Variants in ARHGEF4 observed in about 807,000 individuals in gnomAD.
ARHGEF4 encodes APC-stimulated guanine nucleotide exchange factor 1.
A neutral mutation model predicts 162.0 loss-of-function variants in ARHGEF4; 119 were observed. The observed-to-expected ratio is 0.73, with a 90% CI of 0.63 to 0.86. ARHGEF4 has a LOEUF of 0.86. Among genes scored for constraint, ARHGEF4 ranks in the 40% least tolerant of loss-of-function variants. ARHGEF4 has a pLI of 0.00. For missense variants in ARHGEF4, 2,488 were observed against 2,456.0 expected, an observed-to-expected ratio of 1.01 and a Z score of -0.28; for synonymous variants, 1,014 against 979.9, an observed-to-expected ratio of 1.03 and a Z score of -0.65.
intron 4 of ARHGEF4, among the ~76,000 whole-genome samples, chr2:130,982,638 T>C (rs1686206349): frequency 7.1e-6 from 1 of 140,994 alleles, no homozygotes; most frequent in African/African-American, 2.5e-5. Context: ...TCTTACCATT[T>C]TACTGTAGGC....
chr2:130,915,362 A>AC lies in ARHGEF4; in HGVS notation c.1420dup (p.Gln474ProfsTer11). ...AAAGCCCAGAAAGCAGAACCCAGGA[A>AC]CCCCAAGGCACCCAACTCGCACCAA... On this transcript the variant is annotated frameshift_variant, in exon 2 of 14. Transcript: ENST00000409359. LOFTEE classifies it high-confidence loss of function. The AC allele has an allele frequency of 6.4e-7, 1 of 1,550,616 alleles. No individual in the cohort carries two copies. The highest frequency in any genetic ancestry group is 8.7e-7 in the Non-Finnish European group (1 of 1,147,018).
At chr2:130,883,042 C>T (rs1283865621) in intron 1 of ARHGEF4, among the ~76,000 whole-genome samples, 2 of 152,084 alleles carry the variant, frequency 1.3e-5, no homozygotes, top group African/African-American at 2.4e-5. Context: ...GGTGATGCAT[C>T]TCCTGTCCCC....
intron 4 of ARHGEF4, among the ~76,000 whole-genome samples, chr2:130,996,533 A>G (rs1406944010): frequency 2.0e-5 from 3 of 152,262 alleles, no homozygotes; most frequent in South Asian, 2.1e-4. Context: ...CCCACATTTT[A>G]TCAATTATTC....
At chr2:130,905,143 G>A (rs554594736) in intron 1 of ARHGEF4, among the ~76,000 whole-genome samples, 1 of 152,076 alleles carries the variant, frequency 6.6e-6, no homozygotes, top group Non-Finnish European at 1.5e-5. Context: ...TAATATTGCT[G>A]TAAATGCTCT....
At chr2:130,905,191 ATTTTC>A (rs1169777721) in intron 1 of ARHGEF4, among the ~76,000 whole-genome samples, 3 of 151,948 alleles carry the variant, frequency 2.0e-5, no homozygotes, top group African/African-American at 2.4e-5. Flanking sequence ...CACATTCTCT[ATTTTC>A]TTTTCTAAGT....
intron 4 of ARHGEF4, among the ~76,000 whole-genome samples, chr2:130,997,888 T>C (rs961659157): frequency 6.7e-6 from 1 of 150,272 alleles, no homozygotes; most frequent in South Asian, 2.2e-4. Flanking sequence ...TTGCCCCCCA[T>C]GTGCCCCAAG....
chr2:130,987,346 G>C (rs1189089160), intron 4 of ARHGEF4, among the ~76,000 whole-genome samples: 1 of 152,212 alleles, frequency 6.6e-6, no homozygotes, highest in Non-Finnish European at 1.5e-5. Context: ...TGGTCTTGCT[G>C]ACTTCAAGAA....
Position 130,914,686 on chromosome 2 carries a change from G to A in ARHGEF4, c.740G>A (p.Arg247Lys). 1 of 1,393,506 alleles carries A rather than the reference G, an allele frequency of 7.2e-7. No homozygotes were observed. The highest frequency in any genetic ancestry group is 1.8e-5 in the South Asian group (1 of 54,724). The allele number at this position is 1,393,506 out of a possible 1,614,324, so 86.3% of individuals were successfully genotyped here. Residue 247 changes from arginine to lysine, a missense_variant, in exon 2 of 14, where the codon AGG (arginine) becomes AAG (lysine). By Grantham distance (26) the Arg-to-Lys change is conservative (BLOSUM62 2). This residue lies in a region of ARHGEF4 where 1,642 missense variants were observed against 1,481.5 expected (regional missense o/e 1.11). Transcript: ENST00000409359. Reference sequence around the variant, plus strand: ...CGGAGTTGGCCACATATCCACAACAGGGCCAGGGCACTGGTGCTACCTAGC... The same window carrying A: ...CGGAGTTGGCCACATATCCACAACAAGGCCAGGGCACTGGTGCTACCTAGC... ...LGRSWPHIHN[R>K]ARALVLPSRG...
chr2:131,035,784 C>A (rs1690232386), intron 5 of ARHGEF4: 2 of 985,456 alleles, frequency 2.0e-6, no homozygotes, highest in Non-Finnish European at 2.4e-6. Flanking sequence ...GAAGCCCCCA[C>A]CCCTGCTGCA....
chr2:130,928,044 A>G (rs1277237970), intron 2 of ARHGEF4, among the ~76,000 whole-genome samples: 2 of 148,846 alleles, frequency 1.3e-5, no homozygotes, highest in Non-Finnish European at 3.0e-5. Flanking sequence ...TTTTTTCCCT[A>G]TTTGTTTATT....
rs534393139 is a variant in ARHGEF4, at chr2:130,913,840, A to C, written c.40-146A>C. On this transcript the variant is annotated intron_variant, in intron 1 of 13. Transcript: ENST00000409359. Reference sequence around the variant, plus strand: ...CCATGTTGATAAAAGGCAGCCCTTCATACTTACCTCCCTTCCTAGGGGTAC... The same window carrying C: ...CCATGTTGATAAAAGGCAGCCCTTCCTACTTACCTCCCTTCCTAGGGGTAC... 2.2e-5 allele frequency: 21 copies of C among 965,532 alleles called. No homozygotes were observed. In the South Asian group the frequency reaches 3.1e-4, roughly 14 times the overall value. The allele number at this position is 965,532 out of a possible 1,614,324, so 59.8% of individuals were successfully genotyped here. A position where few individuals can be genotyped will look rare whatever the true frequency, so the allele number is the denominator to read the frequency against.
At position 130,922,283 on chromosome 2, in the gene ARHGEF4, A is replaced by G. The variant is rs560773191; in HGVS notation, c.3552+4785A>G. 7.2e-5 allele frequency among the ~76,000 whole-genome samples: 11 copies of G among 151,960 alleles called. No individual in the cohort carries two copies. In the East Asian group the frequency reaches 2.2e-3, roughly 30 times the overall value. On this transcript the variant is annotated intron_variant, in intron 2 of 13. Transcript: ENST00000409359. ...CTAGTTGGGAGGCTGAGGCAGGAGAATCGCTTGAACCCAGGAGGTGGAGGT... is the reference window on the plus strand; with the variant it reads ...CTAGTTGGGAGGCTGAGGCAGGAGAGTCGCTTGAACCCAGGAGGTGGAGGT...
rs139385531 is a variant in ARHGEF4 at position 131,011,540 on chromosome 2, G to T, written c.3986-16405G>T. 3.2e-4 allele frequency: 405 copies of T among 1,261,962 alleles called. 1 individual carries two copies. The African/African-American group carries it at 5.3e-3, about 16-fold the overall frequency. 78.2% of individuals were successfully genotyped at this position (1,261,962 alleles called of 1,614,324 possible). ...GGACTTAAGCTCCCGTGAATATCAG[G>T]ACCTCAAGCATGTGCTTCCATATCA... On this transcript the variant is annotated intron_variant, in intron 4 of 13. Coordinates refer to ENST00000409359, the MANE Select transcript of ARHGEF4 (RefSeq NM_001367493.1).
chr2:131,034,874 C>CCCGCCGCCGCCG, intron 5 of ARHGEF4: 1 of 635,232 alleles, frequency 1.6e-6, no homozygotes, highest in Non-Finnish European at 2.0e-6. Context: ...GCCTCTCCAG[C>CCCGCCGCCGCCG]CCGCCGCCGC....
intron 4 of ARHGEF4, among the ~76,000 whole-genome samples, chr2:131,017,711 C>T (rs1356220763): frequency 6.6e-6 from 1 of 152,158 alleles, no homozygotes; most frequent in Non-Finnish European, 1.5e-5. Context: ...CCTTTTAAGA[C>T]ATATACTATG....
intron 1 of ARHGEF4, chr2:130,837,632 A>G (rs749675057): frequency 7.3e-5 from 33 of 450,954 alleles, no homozygotes; most frequent in Non-Finnish European, 1.4e-4. Context: ...AGGAACCCCA[A>G]GATGGGCCGG....
At chr2:130,879,782 T>TA (rs150322297) in intron 1 of ARHGEF4, among the ~76,000 whole-genome samples, 1,711 of 152,144 alleles carry the variant, frequency 0.011, 33 homozygotes, top group African/African-American at 0.038. Flanking sequence ...ATTTTTTTAT[T>TA]TTTTTTATTT....
At chr2:130,963,352 C>T (rs1467359342) in intron 4 of ARHGEF4, among the ~76,000 whole-genome samples, 1 of 151,976 alleles carries the variant, frequency 6.6e-6, no homozygotes, top group Non-Finnish European at 1.5e-5. Flanking sequence ...CCCCCGCCGG[C>T]GCGCACGCCT....
chr2:131,018,353 A>G (rs902543454), intron 4 of ARHGEF4, among the ~76,000 whole-genome samples: 6 of 152,064 alleles, frequency 3.9e-5, no homozygotes. Flanking sequence ...GTCCTTATTT[A>G]TATGCTATTG....
Sources: gnomAD v4.1 joint callset for allele counts (sites outside exome capture counted in the v4.1 genomes callset) on GRCh38, gnomAD v4.1.1 for gene constraint, gnomAD v4.1.1 regional missense constraint, MANE v1.5 for transcripts, NCBI Gene and HGNC (gene_info 2026-07-23, HGNC 2026-07-21) for gene names.